EML3: variants seen among roughly 807,000 people sequenced by gnomAD.
EML3 encodes the protein echinoderm microtubule-associated protein-like 3.
In EML3, 53 loss-of-function variants were observed where a neutral mutation model predicts 106.7. The ratio of observed to expected loss-of-function variants is 0.50; its 90% CI spans 0.40 to 0.62. The LOEUF is 0.62. Ranked by LOEUF, EML3 falls within the 20% of genes least tolerant of loss-of-function variation. The pLI is 0.00. For missense variants in EML3, 994 were observed against 1,209.1 expected (o/e 0.82, Z 2.64); for synonymous variants, 499 against 489.6 (o/e 1.02, Z -0.25).
At position 62,602,401 on chromosome 11, in the gene EML3, G is replaced by A; in HGVS notation, c.*74C>T. The A allele has an allele frequency of 6.5e-7, 1 of 1,549,088 alleles. No homozygotes were observed. The highest frequency in any genetic ancestry group is 1.2e-5 in the South Asian group (1 of 84,004). On this transcript the variant is annotated 3_prime_UTR_variant, in exon 22 of 22. Coordinates refer to ENST00000394773, the MANE Select transcript of EML3 (RefSeq NM_153265.3). The stretch of plus-strand genomic sequence containing the variant: ...CAGGAAAGAGTCGGCCCCTAGTCGT[G>A]GGGGATTGGGCCAGGGAAGGGCAGG...
chr11:62,607,525 A>C, intron 11 of EML3, 141 bp downstream of exon 11: 1 of 1,004,296 alleles, frequency 1.0e-6, no homozygotes, highest in African/African-American at 1.6e-5. Flanking sequence ...TGACAAGAGC[A>C]AGACTCCGTC....
rs1942652615 is a variant in EML3, at chr11:62,608,603, A to C, written c.1049T>G (p.Leu350Arg). Residue 350 changes from leucine to arginine, a missense_variant, in exon 9 of 22, where the codon CTG (leucine) becomes CGG (arginine). Physicochemically the swap from Leu to Arg is moderately radical, Grantham distance 102 (BLOSUM62 -2). This residue lies in a region of EML3 where 713 missense variants were observed against 920.5 expected (regional missense o/e 0.77). Coordinates refer to ENST00000394773, the MANE Select transcript of EML3 (RefSeq NM_153265.3). ...GAAGGCCCCCAGTCCAATCTCCTGC[A>C]GTTTCAACAGCGTCTCTGAGTCCCA... ...HIWDSETLLK[L>R]QEIGLGAFER... The C allele has an allele frequency of 1.2e-6, 2 of 1,614,078 alleles. No individual in the cohort carries two copies. The highest frequency in any genetic ancestry group is 1.7e-6 in the Non-Finnish European group (2 of 1,180,036).
chr11:62,607,547 A>G, intron 11 of EML3, 119 bp downstream of exon 11: 1 of 1,277,894 alleles, frequency 7.8e-7, no homozygotes, highest in Non-Finnish European at 1.1e-6. Flanking sequence ...CAAAAGAAAA[A>G]AAAAAAAAGG....
At chr11:62,609,248 A>G in intron 6 of EML3, 106 bp downstream of exon 6, 1 of 1,553,702 alleles carries the variant, frequency 6.4e-7, no homozygotes, top group Non-Finnish European at 8.7e-7. Context: ...GTAGGAGAGG[A>G]TCTAGAAGGC....
chr11:62,607,843 C>T (rs752388961), intron 10 of EML3, 22 bp from the exon 11 acceptor site: 2 of 1,605,820 alleles, frequency 1.2e-6, no homozygotes, highest in East Asian at 2.2e-5. Flanking sequence ...ACACTAGATT[C>T]AGCCACCCCA....
At chr11:62,606,463 G>C in intron 12 of EML3, 1 of 569,514 alleles carries the variant, frequency 1.8e-6, no homozygotes, top group Non-Finnish European at 3.1e-6. Context: ...CTGAACCTGA[G>C]ATCTGGCAAA....
At chr11:62,607,449 A>C in intron 11 of EML3, 1 of 506,794 alleles carries the variant, frequency 2.0e-6, no homozygotes, top group Non-Finnish European at 3.3e-6. Context: ...AGGCAGGAGA[A>C]TTGCTCGAAC....
chr11:62,602,462 C>A lies in EML3; in HGVS notation c.*13G>T. The A allele has an allele frequency of 1.3e-6, 2 of 1,542,122 alleles. No individual in the cohort carries two copies. Among genetic ancestry groups the A allele is most frequent in the Non-Finnish European group, 1.8e-6 (2 of 1,141,700 alleles). ...GCCACGCCGCCGGGCCAGTCGGTCC[C>A]GCCAGGCAGCGATCAAACGTCGAGG... On this transcript the variant is annotated 3_prime_UTR_variant, in exon 22 of 22. Transcript: ENST00000394773.
In EML3 at chr11:62,609,056, AG is replaced by A; in HGVS notation, c.834del (p.Cys279ValfsTer42). The A allele has an allele frequency of 6.2e-7, 1 of 1,614,054 alleles. No individual in the cohort carries two copies. The highest frequency in any genetic ancestry group is 8.5e-7 in the Non-Finnish European group (1 of 1,180,030). On this transcript the variant is annotated frameshift_variant, in exon 7 of 22. Transcript: ENST00000394773. LOFTEE classifies it high-confidence loss of function. ...LRSGEVVYFIACVVVLYRPGG... is the reference protein window; with the variant it reads ...LRSGEVVYFIXCVVVLYRPGG... Reference sequence around the variant, plus strand: ...CCAGGCCGGTACAGCACCACCACACAGGCGATAAAGTAGACCACCTCCCCAG... The same window carrying A: ...CCAGGCCGGTACAGCACCACCACACAGCGATAAAGTAGACCACCTCCCCAG...
At position 62,612,617 on chromosome 11, in the gene EML3, G is replaced by A; in HGVS notation, c.-160C>T. On this transcript the variant is annotated 5_prime_UTR_variant, in exon 1 of 22. Transcript: ENST00000394773. ...CTGTCGGGCGCGGGGAAGGGGCCTG[G>A]AGGGGGCGCTGTGGGCCCGGGGCCG... The A allele has an allele frequency of 1.6e-6, 1 of 635,562 alleles. No homozygotes were observed. The highest frequency in any genetic ancestry group is 2.3e-6 in the Non-Finnish European group (1 of 432,552). 39.4% of individuals were successfully genotyped at this position (635,562 alleles called of 1,614,324 possible).
At chr11:62,610,211 A>G (rs1055841546) in intron 4 of EML3, among the ~76,000 whole-genome samples, 2 of 152,220 alleles carry the variant, frequency 1.3e-5, no homozygotes, top group African/African-American at 4.8e-5. Context: ...TCCGGGAGGC[A>G]AGCAAGAAAG....
At chr11:62,606,758 G>A (rs1183456228) in intron 12 of EML3, among the ~76,000 whole-genome samples, 200 bp downstream of exon 12, 1 of 152,034 alleles carries the variant, frequency 6.6e-6, no homozygotes, top group Admixed American at 6.5e-5. Context: ...TTGGGAGACT[G>A]AGGAAGGAGG....
At chr11:62,611,820 G>A (rs992460867) in intron 1 of EML3, 12 of 579,826 alleles carry the variant, frequency 2.1e-5, no homozygotes, top group South Asian at 2.0e-4. Flanking sequence ...TCCTGCTGCC[G>A]TCTCAGCCTC....
chr11:62,602,693 A>C lies in EML3; in HGVS notation c.2488-15T>G. On this transcript the variant is annotated splice_polypyrimidine_tract_variant and intron_variant, in intron 21 of 21. Transcript: ENST00000394773. ...CGGCTCGGCGCCTGGGCCGGAGGGA[A>C]GAGTTGCGGTGGCGGCTGAGCCCTC... 1 of 1,599,138 alleles carries C rather than the reference A, an allele frequency of 6.3e-7. No homozygotes were observed. Among genetic ancestry groups the C allele is most frequent in the South Asian group, 1.1e-5 (1 of 89,762 alleles).
At chr11:62,608,339 A>G in intron 9 of EML3, 43 bp from the exon 10 acceptor site, 2 of 1,571,520 alleles carry the variant, frequency 1.3e-6, no homozygotes, top group Non-Finnish European at 1.8e-6. Flanking sequence ...TGAACCCTGG[A>G]GGTCCAGGGG....
Position 62,604,179 on chromosome 11 carries a change from T to C in EML3, c.2005A>G (p.Thr669Ala). 1 of 1,613,508 alleles carries C rather than the reference T, an allele frequency of 6.2e-7. No individual in the cohort carries two copies. The highest frequency in any genetic ancestry group is 8.5e-7 in the Non-Finnish European group (1 of 1,179,906). ...TGRWLVLDTE[T>A]REIVSDVIDG... is the part of the protein sequence containing the mutation. ...ATGACATCAGACACGATCTCTCTGG[T>C]CTCTGTGTCCAAAACCAACCACCTG... Residue 669 changes from threonine to alanine, a missense_variant, in exon 17 of 22, where the codon ACC (threonine) becomes GCC (alanine). Coordinates refer to ENST00000394773, the MANE Select transcript of EML3 (RefSeq NM_153265.3).
In EML3 at chr11:62,606,099, C is replaced by T. The variant is rs1264283753; in HGVS notation, c.1620G>A (p.Gln540=). ...SGGGRDRRLV[Q]WGPGLVALQE... is the part of the protein sequence containing the mutation. ...GGAGGGCCACCAACCCGGGCCCCCA[C>T]TGTACCAGCCGGCGGTCCCGCCCGC... Residue 540 remains glutamine (Q), a synonymous_variant, in exon 13 of 22, where the codon CAG becomes CAA. Coordinates refer to ENST00000394773, the MANE Select transcript of EML3 (RefSeq NM_153265.3). The T allele has an allele frequency of 6.2e-7, 1 of 1,614,086 alleles. No individual in the cohort carries two copies. The highest frequency in any genetic ancestry group is 1.1e-5 in the South Asian group (1 of 91,086).
Position 62,607,748 on chromosome 11 carries a change from G to C in EML3, c.1280C>G (p.Ser427Cys). 2 of 1,614,034 alleles carry C rather than the reference G, an allele frequency of 1.2e-6. No individual in the cohort carries two copies. The change falls in exon 11 of 22, where the codon TCT becomes TGT. Residue 427 changes from serine (S) to cysteine (C), a missense_variant. Ser to Cys is a moderately radical substitution (Grantham distance 112). Transcript: ENST00000394773. ...ACTCCAATTCCAGAAGTGGACGTGA[G>C]ATTTCCCACTGGTGACGATGCAGCT... ...DSSCIVTSGK[S>C]HVHFWNWSGG...
At chr11:62,602,916 A>G in intron 20 of EML3, 27 bp from the exon 21 acceptor site, 1 of 1,513,434 alleles carries the variant, frequency 6.6e-7, no homozygotes, top group Non-Finnish European at 8.8e-7. Flanking sequence ...CCTCAGCCCG[A>G]CCTCCTACCC....
Sources: allele counts gnomAD v4.1 joint callset (sites outside exome capture counted in the v4.1 genomes callset), GRCh38; gene constraint gnomAD v4.1.1; regional missense constraint gnomAD v4.1.1; transcripts MANE v1.5; gene names NCBI Gene and HGNC (gene_info 2026-07-23, HGNC 2026-07-21).